The following PDE10A variants were observed in gnomAD, a reference collection of about 807,000 sequenced individuals.
The protein encoded by PDE10A is cAMP and cAMP-inhibited cGMP 3',5'-cyclic phosphodiesterase 10A.
A neutral mutation model predicts 97.7 loss-of-function variants in PDE10A; 39 were observed. That is an observed-to-expected ratio of 0.40 (90% CI 0.31 to 0.52). PDE10A has a LOEUF of 0.52. PDE10A is among the 20% of genes least tolerant of loss of function. The pLI is 0.56. For missense variants in PDE10A, 731 were observed against 1,047.8 expected, an observed-to-expected ratio of 0.70 and a Z score of 4.17; for synonymous variants, 371 against 376.8, an observed-to-expected ratio of 0.98 and a Z score of 0.18.
chr6:165,496,134 C>T (rs1332719529), intron 2 of PDE10A, among the ~76,000 whole-genome samples: 1 of 151,868 alleles, frequency 6.6e-6, no homozygotes, highest in Non-Finnish European at 1.5e-5. Context: ...AAACTCCAAG[C>T]AGAGGGATCA....
chr6:165,665,767 T>TA (rs1285810965), upstream of PDE10A, among the ~76,000 whole-genome samples: 3 of 152,264 alleles, frequency 2.0e-5, no homozygotes, highest in Admixed American at 2.0e-4. Flanking sequence ...ACCATCATTT[T>TA]AAAAGAATAT....
At chr6:165,572,609 T>C (rs1475172723) in intron 1 of PDE10A, among the ~76,000 whole-genome samples, 1 of 152,226 alleles carries the variant, frequency 6.6e-6, no homozygotes, top group Non-Finnish European at 1.5e-5. Flanking sequence ...AAACATTAAA[T>C]AGTCACTCGG....
At chr6:165,676,088 G>A (rs1790787043) in intron 1 of PDE10A, among the ~76,000 whole-genome samples, 2 of 152,174 alleles carry the variant, frequency 1.3e-5, no homozygotes, top group South Asian at 2.1e-4. Flanking sequence ...CAACCGGGGT[G>A]AAACTGGAGG....
rs144813585 is a variant in PDE10A, at chr6:165,746,429, G to A, written c.-614-202861C>T. On this transcript the variant is annotated intron_variant, in intron 1 of 19. Transcript: ENST00000366882. ...AGCTGGTCAAAGTCTCTGCCACCAC[G>A]GTTCACATTCTTACATCAACAACAA... Among the ~76,000 whole-genome samples the A allele has an allele frequency of 2.2e-3, 329 of 152,326 alleles. 4 individuals carry two copies. Among genetic ancestry groups the A allele is most frequent in the African/African-American group, 7.4e-3 (308 of 41,568 alleles).
chr6:165,611,197 T>C (rs997171957), intron 1 of PDE10A, among the ~76,000 whole-genome samples: 11 of 152,166 alleles, frequency 7.2e-5, no homozygotes, highest in Non-Finnish European at 1.5e-4. Context: ...AGGAGTCACC[T>C]GGACCTGTGG....
chr6:165,594,247 A>C (rs1786451041), intron 1 of PDE10A, among the ~76,000 whole-genome samples: 1 of 152,214 alleles, frequency 6.6e-6, no homozygotes, highest in Non-Finnish European at 1.5e-5. Context: ...TGAAATAGGA[A>C]CATACAAAGT....
At chr6:165,753,599 T>C (rs949343573) in intron 1 of PDE10A, among the ~76,000 whole-genome samples, 1 of 152,244 alleles carries the variant, frequency 6.6e-6, no homozygotes, top group Non-Finnish European at 1.5e-5. Context: ...ATTTTAATTT[T>C]AGTTTTTAGG....
intron 13 of PDE10A, 36 bp from the exon 14 acceptor site, chr6:165,396,495 TAAA>T: frequency 6.4e-7 from 1 of 1,570,702 alleles, no homozygotes; most frequent in Non-Finnish European, 8.6e-7. Context: ...CCCCCAAAAT[TAAA>T]AGAATATTTA....
chr6:165,840,288 G>C (rs1780225498), intron 1 of PDE10A, among the ~76,000 whole-genome samples: 1 of 151,152 alleles, frequency 6.6e-6, no homozygotes. Context: ...AATCAGTCCA[G>C]GCAAACTGGA....
intron 1 of PDE10A, among the ~76,000 whole-genome samples, chr6:165,826,334 C>A (rs1033615498): frequency 1.3e-5 from 2 of 151,706 alleles, no homozygotes; most frequent in Non-Finnish European, 2.9e-5. Flanking sequence ...ATCCTTCTGT[C>A]CCCATGTCCC....
At chr6:165,895,909 T>A (rs1781931100) in intron 1 of PDE10A, among the ~76,000 whole-genome samples, 1 of 152,100 alleles carries the variant, frequency 6.6e-6, no homozygotes, top group African/African-American at 2.4e-5. Context: ...GATTGCACAA[T>A]CCCACCTCCA....
intron 2 of PDE10A, among the ~76,000 whole-genome samples, chr6:165,523,251 C>G (rs556930496): frequency 6.6e-6 from 1 of 152,132 alleles, no homozygotes; most frequent in Non-Finnish European, 1.5e-5. Context: ...TCATTTTTCA[C>G]AGAATTAGAA....
At chr6:165,750,811 C>T (rs144878040) in intron 1 of PDE10A, among the ~76,000 whole-genome samples, 1 of 152,276 alleles carries the variant, frequency 6.6e-6, no homozygotes, top group East Asian at 1.9e-4. Context: ...CTGACCTGCA[C>T]AGAACGTGGT....
chr6:165,965,225 A>C (rs1041874284), intron 1 of PDE10A, among the ~76,000 whole-genome samples: 1 of 152,204 alleles, frequency 6.6e-6, no homozygotes, highest in Non-Finnish European at 1.5e-5. Context: ...AGGTGCCCCG[A>C]GGAGAGGGAT....
intron 1 of PDE10A, among the ~76,000 whole-genome samples, chr6:165,613,656 T>A (rs892446272): frequency 2.0e-5 from 3 of 152,012 alleles, no homozygotes; most frequent in Non-Finnish European, 2.9e-5. Flanking sequence ...ACAATAATAA[T>A]AAAACACTAT....
intron 1 of PDE10A, among the ~76,000 whole-genome samples, chr6:165,897,641 C>A (rs78491201): frequency 4.6e-5 from 7 of 151,622 alleles, no homozygotes; most frequent in African/African-American, 7.3e-5. Context: ...CCAGCCCCCC[C>A]ACCTCCAGGC....
chr6:165,501,190 T>C (rs1780857996), intron 2 of PDE10A, among the ~76,000 whole-genome samples: 1 of 152,146 alleles, frequency 6.6e-6, no homozygotes, highest in East Asian at 1.9e-4. Flanking sequence ...TTTCTCAGTC[T>C]CTCATCCCAC....
chr6:165,453,896 G>C (rs887786129), intron 3 of PDE10A, among the ~76,000 whole-genome samples: 1 of 152,146 alleles, frequency 6.6e-6, no homozygotes, highest in Non-Finnish European at 1.5e-5. Context: ...CACAACTCTG[G>C]AGAAGCTCAG....
At chr6:165,609,644 G>A (rs901143647) in intron 1 of PDE10A, among the ~76,000 whole-genome samples, 13 of 152,156 alleles carry the variant, frequency 8.5e-5, no homozygotes, top group African/African-American at 2.7e-4. Flanking sequence ...TAAGCTGATA[G>A]GCAACTTCAG....
Sources: allele counts gnomAD v4.1 joint callset (sites outside exome capture counted in the v4.1 genomes callset), GRCh38; gene constraint gnomAD v4.1.1; transcripts MANE v1.5; gene names NCBI Gene and HGNC (gene_info 2026-07-23, HGNC 2026-07-21).